CDH18: variants seen among roughly 807,000 people sequenced by gnomAD.
CDH18 encodes the protein cadherin 18, also known as cadherin-18.
Under a neutral mutation model 67.9 loss-of-function variants are expected in CDH18, and 31 were observed. That is an observed-to-expected ratio of 0.46 (90% CI 0.34 to 0.62). The LOEUF (loss-of-function observed/expected upper bound fraction) is 0.62, where lower values mean the gene tolerates loss of function less well. CDH18 is among the 20% of genes least tolerant of loss of function. CDH18 has a pLI of 0.01. For missense variants in CDH18, 890 were observed against 975.5 expected (o/e 0.91, Z 1.17); for synonymous variants, 362 against 347.2 (o/e 1.04, Z -0.48).
chr5:19,788,785 A>T (rs1776070767), intron 3 of CDH18, among the ~76,000 whole-genome samples: 1 of 152,176 alleles, frequency 6.6e-6, no homozygotes, highest in South Asian at 2.1e-4. Flanking sequence ...CATTATAGTA[A>T]CAATTTGAAA....
At chr5:20,010,799 T>C (rs776168586) in intron 2 of CDH18, among the ~76,000 whole-genome samples, 13 of 152,168 alleles carry the variant, frequency 8.5e-5, no homozygotes, top group Non-Finnish European at 1.8e-4. Context: ...TACTGAGTAC[T>C]CAAATTTAGG....
chr5:19,853,356 T>C (rs1247506241), intron 2 of CDH18, among the ~76,000 whole-genome samples: 1 of 152,088 alleles, frequency 6.6e-6, no homozygotes, highest in Non-Finnish European at 1.5e-5. Flanking sequence ...TATGACTTCA[T>C]TTAACCATAA....
At position 20,524,596 on chromosome 5, in the gene CDH18, AT is replaced by A. The variant is rs527392008; in HGVS notation, c.-580+50865del. On this transcript the variant is annotated intron_variant, in intron 1 of 14. Transcript: ENST00000507958. ...GTTCACATTTTATATATGTAGGTAT[AT>A]GTACATATCAATATATCTGCATTTA... Among the ~76,000 whole-genome samples, 7 of 152,116 alleles carry A rather than the reference AT, an allele frequency of 4.6e-5. No individual in the cohort carries two copies. The South Asian group carries it at 1.5e-3, about 32-fold the overall frequency.
intron 3 of CDH18, among the ~76,000 whole-genome samples, chr5:19,822,940 C>T (rs1780029138): frequency 6.6e-6 from 1 of 152,140 alleles, no homozygotes; most frequent in South Asian, 2.1e-4. Flanking sequence ...GACAGCCACA[C>T]CCAAGGGGGC....
At chr5:19,542,048 T>TAATA (rs1464745369) in intron 9 of CDH18, among the ~76,000 whole-genome samples, 4 of 152,196 alleles carry the variant, frequency 2.6e-5, no homozygotes, top group Non-Finnish European at 5.9e-5. Flanking sequence ...AGAACCCCTT[T>TAATA]AAAAGTAATT....
chr5:20,505,835 G>A (rs1754624685), intron 1 of CDH18, among the ~76,000 whole-genome samples: 1 of 152,132 alleles, frequency 6.6e-6, no homozygotes, highest in African/African-American at 2.4e-5. Flanking sequence ...TATCTGCCCT[G>A]AGCTATTTCT....
chr5:19,544,080 T>A, intron 8 of CDH18, 75 bp from the exon 9 acceptor site: 1 of 576,072 alleles, frequency 1.7e-6, no homozygotes, highest in Non-Finnish European at 2.8e-6. Flanking sequence ...AAGTATTATA[T>A]CTAAATACAT....
chr5:20,392,505 A>T (rs574405560), intron 1 of CDH18, among the ~76,000 whole-genome samples: 3 of 151,936 alleles, frequency 2.0e-5, no homozygotes, highest in African/African-American at 7.2e-5. Flanking sequence ...TCTAGCTAAA[A>T]TTTTCTTATA....
At chr5:19,728,220 A>G (rs1235473166) in intron 4 of CDH18, among the ~76,000 whole-genome samples, 1 of 152,206 alleles carries the variant, frequency 6.6e-6, no homozygotes, top group Non-Finnish European at 1.5e-5. Context: ...TTTCCCAATT[A>G]AAGAAAAATC....
chr5:19,960,584 T>TGTGTGTGTGTATATATATATATACACAC (rs1435126452), intron 2 of CDH18, among the ~76,000 whole-genome samples: 1 of 123,460 alleles, frequency 8.1e-6, no homozygotes, highest in Non-Finnish European at 1.5e-5. Flanking sequence ...TGTGTGTGTG[T>TGTGTGTGTGTATATATATATATACACAC]GTGTGTATAT....
chr5:20,296,143 G>A (rs1747493540), intron 1 of CDH18, among the ~76,000 whole-genome samples: 2 of 151,576 alleles, frequency 1.3e-5, no homozygotes, highest in African/African-American at 2.4e-5. Context: ...CAAAGTGCTG[G>A]GATTGCAGGT....
chr5:20,198,708 G>T (rs1376631313), intron 2 of CDH18, among the ~76,000 whole-genome samples: 1 of 152,106 alleles, frequency 6.6e-6, no homozygotes, highest in Non-Finnish European at 1.5e-5. Flanking sequence ...CATGTCAGAG[G>T]CCTTTGGAGC....
At chr5:20,139,561 C>T (rs1396808857) in intron 2 of CDH18, among the ~76,000 whole-genome samples, 1 of 152,158 alleles carries the variant, frequency 6.6e-6, no homozygotes, top group Non-Finnish European at 1.5e-5. Context: ...TCTTTGCAAT[C>T]TACCCATCTG....
chr5:20,293,199 C>T (rs922759378), intron 1 of CDH18, among the ~76,000 whole-genome samples: 1 of 152,156 alleles, frequency 6.6e-6, no homozygotes, highest in African/African-American at 2.4e-5. Flanking sequence ...CACCTGTAAT[C>T]TCAGCTTCTT....
chr5:19,711,650 TAAAAAA>T (rs3062941), intron 5 of CDH18, among the ~76,000 whole-genome samples: 9 of 115,606 alleles, frequency 7.8e-5, no homozygotes, highest in Non-Finnish European at 1.5e-4. Flanking sequence ...TAGTATAAAG[TAAAAAA>T]AAAAAAAAAA....
At chr5:19,911,375 G>C (rs1430048788) in intron 2 of CDH18, among the ~76,000 whole-genome samples, 3 of 152,116 alleles carry the variant, frequency 2.0e-5, no homozygotes, top group Non-Finnish European at 4.4e-5. Flanking sequence ...GAGTTAGAGA[G>C]AAGGGGAAAG....
At chr5:20,080,813 TGCAAAG>T (rs1356631167) in intron 2 of CDH18, among the ~76,000 whole-genome samples, 1 of 152,128 alleles carries the variant, frequency 6.6e-6, no homozygotes, top group African/African-American at 2.4e-5. Context: ...ATGAATGCTA[TGCAAAG>T]GCACAGAACA....
intron 2 of CDH18, among the ~76,000 whole-genome samples, chr5:20,254,567 G>A (rs1287104129): frequency 6.6e-6 from 1 of 152,174 alleles, no homozygotes; most frequent in Non-Finnish European, 1.5e-5. Flanking sequence ...GTCCTTAAGG[G>A]AGTACTAAGC....
At chr5:20,439,089 T>A (rs1048060440) in intron 1 of CDH18, among the ~76,000 whole-genome samples, 1 of 151,514 alleles carries the variant, frequency 6.6e-6, no homozygotes, top group African/African-American at 2.4e-5. Context: ...ACCTCTAAAG[T>A]GCTCACCTCC....
Sources: gnomAD v4.1 joint callset for allele counts (sites outside exome capture counted in the v4.1 genomes callset) on GRCh38, gnomAD v4.1.1 for gene constraint, MANE v1.5 for transcripts, NCBI Gene and HGNC (gene_info 2026-07-23, HGNC 2026-07-21) for gene names.